Variants in FNBP1 observed in about 807,000 individuals in gnomAD.
FNBP1 encodes the protein formin-binding protein 1.
A neutral mutation model predicts 90.6 loss-of-function variants in FNBP1; 26 were observed. The ratio of observed to expected loss-of-function variants is 0.29; its 90% CI spans 0.21 to 0.40. FNBP1 has a LOEUF of 0.40. Among genes scored for constraint, FNBP1 ranks in the 10% least tolerant of loss-of-function variants. FNBP1 has a pLI of 1.00. For missense variants in FNBP1, 635 were observed against 768.0 expected, an observed-to-expected ratio of 0.83 and a Z score of 2.05; for synonymous variants, 260 against 265.2, an observed-to-expected ratio of 0.98 and a Z score of 0.19.
At chr9:130,046,905 G>C (rs765437975), upstream of FNBP1, among the ~76,000 whole-genome samples, 54 of 151,820 alleles carry the variant, frequency 3.6e-4, no homozygotes, top group Non-Finnish European at 6.8e-4. Flanking sequence ...TGTTTCCCTA[G>C]GTTCTGTGAG....
At chr9:129,969,708 A>G (rs2049141623) in intron 4 of FNBP1, among the ~76,000 whole-genome samples, 1 of 152,022 alleles carries the variant, frequency 6.6e-6, no homozygotes, top group Non-Finnish European at 1.5e-5. Context: ...CCAGGAGTTC[A>G]AGACCAGCCT....
the FNBP1 span, among the ~76,000 whole-genome samples, chr9:130,052,490 TG>T: frequency 6.6e-6 from 1 of 152,118 alleles, no homozygotes; most frequent in Non-Finnish European, 1.5e-5. Context: ...TGGAGTGCAG[TG>T]GCATGATCTT....
chr9:129,987,209 A>C (rs1393265898), intron 2 of FNBP1, among the ~76,000 whole-genome samples: 1 of 152,066 alleles, frequency 6.6e-6, no homozygotes, highest in Non-Finnish European at 1.5e-5. Flanking sequence ...ATTTTCAAGC[A>C]AGAAAGAACG....
intron 7 of FNBP1, among the ~76,000 whole-genome samples, chr9:129,928,294 A>G (rs991569087): frequency 4.6e-5 from 7 of 152,232 alleles, no homozygotes; most frequent in Admixed American, 2.0e-4. Flanking sequence ...TTTGACTTCT[A>G]TAGTTAAGTT....
At chr9:130,019,299 CAAA>C (rs377349862) in intron 1 of FNBP1, among the ~76,000 whole-genome samples, 7 of 79,152 alleles carry the variant, frequency 8.8e-5, no homozygotes, top group Admixed American at 2.9e-4. Flanking sequence ...GACTCTGTCT[CAAA>C]AAAAAAAAAA....
At position 129,957,754 on chromosome 9, in the gene FNBP1, T is replaced by C. The variant is rs918705484; in HGVS notation, c.409-290A>G. 2.6e-5 allele frequency among the ~76,000 whole-genome samples: 4 copies of C among 152,074 alleles called. No individual in the cohort carries two copies. The highest frequency in any genetic ancestry group is 6.6e-5 in the Admixed American group (1 of 15,260). ...TTTTTGTAGAGACTAGGTTTTGTCA[T>C]GTTGCCCATGCTGGTCTTGAGCTTC... On this transcript the variant is annotated intron_variant, in intron 5 of 16. Coordinates refer to ENST00000446176, the MANE Select transcript of FNBP1 (RefSeq NM_015033.3). The surrounding 1 kb of genome is among the most constrained non-coding windows in gnomAD (Gnocchi z 4.3).
chr9:129,898,427 A>C (rs565042151), intron 15 of FNBP1, among the ~76,000 whole-genome samples: 21 of 151,810 alleles, frequency 1.4e-4, no homozygotes, highest in Admixed American at 3.9e-4. Flanking sequence ...TCCTTAAGGA[A>C]GCGACCTCAT....
chr9:129,942,138 TCTATATCTAGCTAAA>T (rs1242088012), intron 6 of FNBP1, among the ~76,000 whole-genome samples: 1 of 151,124 alleles, frequency 6.6e-6, no homozygotes, highest in African/African-American at 2.4e-5. Flanking sequence ...AACCTAGAAT[TCTATATCTAGCTAAA>T]CTATCACATT....
chr9:129,984,663 C>A (rs1187779794), intron 2 of FNBP1, among the ~76,000 whole-genome samples: 2 of 152,044 alleles, frequency 1.3e-5, no homozygotes, highest in Non-Finnish European at 2.9e-5. Context: ...ACCCAAATCT[C>A]AACTTGAATT....
At chr9:129,978,317 C>G in intron 4 of FNBP1, 148 bp downstream of exon 4, 1 of 694,478 alleles carries the variant, frequency 1.4e-6, no homozygotes, top group South Asian at 2.1e-5. Context: ...CCGTGCCCAG[C>G]TGGGGTCCAT....
At chr9:129,961,293 C>T (rs1261678944) in intron 4 of FNBP1, among the ~76,000 whole-genome samples, 1 of 152,022 alleles carries the variant, frequency 6.6e-6, no homozygotes, top group Admixed American at 6.6e-5. Flanking sequence ...GCCTGGGTGA[C>T]AGATAGAGAC....
rs1386685988 is a variant in FNBP1 at position 129,966,790 on chromosome 9, C to G, written c.346-8237G>C. Among the ~76,000 whole-genome samples, 2 of 152,030 alleles carry G rather than the reference C, an allele frequency of 1.3e-5. No homozygotes were observed. The highest frequency in any genetic ancestry group is 2.9e-5 in the Non-Finnish European group (2 of 68,026). On this transcript the variant is annotated intron_variant, in intron 4 of 16. Coordinates refer to ENST00000446176, the MANE Select transcript of FNBP1 (RefSeq NM_015033.3). The surrounding 1 kb of genome is among the most constrained non-coding windows in gnomAD (Gnocchi z 4.3). ...AAGAAAGGAAGTGACATGGCCTGAT[C>G]TACATTATTTCAATGTCAAGCTGGC...
At chr9:130,028,993 G>A (rs897377395) in intron 1 of FNBP1, among the ~76,000 whole-genome samples, 9 of 152,132 alleles carry the variant, frequency 5.9e-5, no homozygotes, top group East Asian at 1.9e-4. Context: ...ACTGTTCTCC[G>A]TCTCATTCCC....
intron 10 of FNBP1, chr9:129,916,213 C>G (rs1472753287): frequency 1.8e-6 from 1 of 558,860 alleles, no homozygotes; most frequent in Admixed American, 3.2e-5. Flanking sequence ...ATTGCCAGAG[C>G]CAAAGATCAG....
chr9:129,891,870 A>T (rs2035137592), intron 16 of FNBP1, among the ~76,000 whole-genome samples: 1 of 152,230 alleles, frequency 6.6e-6, no homozygotes, highest in African/African-American at 2.4e-5. Flanking sequence ...AAAGTCACTT[A>T]AAATACACAA....
intron 6 of FNBP1, among the ~76,000 whole-genome samples, chr9:129,935,028 T>C (rs961008099): frequency 1.3e-5 from 2 of 151,954 alleles, no homozygotes; most frequent in African/African-American, 4.8e-5. Context: ...GAAATCCTAA[T>C]GGGTTTAAAG....
chr9:130,026,825 GCATGGTGCT>G (rs546754805), intron 1 of FNBP1, among the ~76,000 whole-genome samples: 1 of 152,030 alleles, frequency 6.6e-6, no homozygotes, highest in South Asian at 2.1e-4. Context: ...AATTAGATGG[GCATGGTGCT>G]CACACCTGTT....
In FNBP1 at chr9:130,002,517, C is replaced by A. The variant is rs552788558; in HGVS notation, c.25-7559G>T. ...GTTAGAAAGAGCCCAGCACCTCCCC[C>A]CTCTCTATTGTGCCCTCTCTGGCCA... On this transcript the variant is annotated intron_variant, in intron 1 of 16. Transcript: ENST00000446176. 2.0e-5 allele frequency among the ~76,000 whole-genome samples: 3 copies of A among 152,272 alleles called. No individual in the cohort carries two copies. The Middle Eastern group carries it at 0.01, about 518-fold the overall frequency.
intron 4 of FNBP1, among the ~76,000 whole-genome samples, chr9:129,965,710 A>G (rs10819581): frequency 5.5e-4 from 78 of 142,162 alleles, no homozygotes; most frequent in African/African-American, 1.4e-3. Flanking sequence ...GCGCGCGCGC[A>G]CACACACACA....
Sources: gnomAD v4.1 joint callset for allele counts (sites outside exome capture counted in the v4.1 genomes callset) on GRCh38, gnomAD v4.1.1 for gene constraint, Gnocchi (gnomAD v3.1) non-coding constraint, MANE v1.5 for transcripts, NCBI Gene and HGNC (gene_info 2026-07-23, HGNC 2026-07-21) for gene names.